The following DIP2C variants were observed in gnomAD, a reference collection of about 807,000 sequenced individuals.
The protein encoded by DIP2C is DIP2 acetate--CoA ligase C (putative).
In DIP2C, 33 loss-of-function variants were observed where a neutral mutation model predicts 192.4. That is an observed-to-expected ratio of 0.17 (90% CI 0.13 to 0.23). DIP2C has a LOEUF of 0.23. Ranked by LOEUF, DIP2C falls within the 10% of genes least tolerant of loss-of-function variation. The probability of loss-of-function intolerance (pLI) is 1.00; values close to 1 mark genes in which losing one functional copy is unlikely to be tolerated. For synonymous variants in DIP2C, 979 were observed against 864.1 expected (o/e 1.13, Z -2.33); for missense variants, 1,537 against 2,110.1 (o/e 0.73, Z 5.32).
chr10:339,916 A>T (rs1339560305), intron 29 of DIP2C, among the ~76,000 whole-genome samples: 4 of 152,220 alleles, frequency 2.6e-5, no homozygotes, highest in Admixed American at 2.0e-4. Context: ...AGGAGAAAAA[A>T]ATCTGACTGG....
intron 26 of DIP2C, among the ~76,000 whole-genome samples, chr10:346,346 C>T (rs547035042): frequency 1.7e-5 from 1 of 57,458 alleles, no homozygotes. Flanking sequence ...CTCCCGGAAA[C>T]CCCACACTCA....
At position 398,961 on chromosome 10, in the gene DIP2C, G is replaced by A. The variant is rs528270605; in HGVS notation, c.1260+148C>T. 61 of 648,264 alleles carry A rather than the reference G, an allele frequency of 9.4e-5. No homozygotes were observed. The African/African-American group carries it at 9.6e-4, about 10-fold the overall frequency. 40.2% of individuals were successfully genotyped at this position (648,264 alleles called of 1,614,324 possible). Reference sequence around the variant, plus strand: ...CAGGACGCCCATCCCAGGCTGCAGGGCCCACTAGCGACCGCATCCCTTATC... The same window carrying A: ...CAGGACGCCCATCCCAGGCTGCAGGACCCACTAGCGACCGCATCCCTTATC... On this transcript the variant is annotated intron_variant, in intron 10 of 36. Transcript: ENST00000280886.
rs113866371 is a variant in DIP2C at position 417,794 on chromosome 10, C to A, written c.739+1271G>T. ...TGCACCTGTCAGGGCTCGGATAGGC[C>A]TCCCTGTCCACCTGTTCCTGTCAGG... is the stretch of plus-strand genomic sequence containing the variant. On this transcript the variant is annotated intron_variant, in intron 6 of 36. Transcript: ENST00000280886. Among the ~76,000 whole-genome samples the A allele has an allele frequency of 8.0e-4, 87 of 108,814 alleles. 15 individuals are homozygous for A. The highest frequency in any genetic ancestry group is 3.8e-3 in the African/African-American group (86 of 22,404). The allele number at this position is 108,814 out of a possible 152,430, so 71.4% of individuals were successfully genotyped here.
At chr10:536,513 C>T (rs1462097250) in intron 1 of DIP2C, among the ~76,000 whole-genome samples, 3 of 152,048 alleles carry the variant, frequency 2.0e-5, no homozygotes, top group Admixed American at 1.3e-4. Flanking sequence ...GGGGGGCCAG[C>T]GTTGTATCTA....
At chr10:589,826 A>C (rs1851298218) in intron 1 of DIP2C, among the ~76,000 whole-genome samples, 1 of 152,322 alleles carries the variant, frequency 6.6e-6, no homozygotes, top group Admixed American at 6.5e-5. Context: ...TTAACACACA[A>C]GGGGGAAGGC....
In DIP2C at chr10:486,481, T is replaced by C; in HGVS notation, c.135A>G (p.Gly45=). 6.2e-7 allele frequency: 1 copy of C among 1,604,374 alleles called. No homozygotes were observed. The highest frequency in any genetic ancestry group is 8.5e-7 in the Non-Finnish European group (1 of 1,175,586). Residue 45 remains glycine (G), a synonymous_variant, in exon 2 of 37, where the codon GGA becomes GGG. Transcript: ENST00000280886. Reference sequence around the variant, plus strand: ...TACTCGGAGGCTGCGGAAGGTAGGCTCCAATTAACTTTGACCTCTTCTTTT... The same window carrying C: ...TACTCGGAGGCTGCGGAAGGTAGGCCCCAATTAACTTTGACCTCTTCTTTT... ...GYEKKRSKLI[G]AYLPQPPRVD...
chr10:514,958 C>T (rs1193745904), intron 1 of DIP2C, among the ~76,000 whole-genome samples: 2 of 152,178 alleles, frequency 1.3e-5, no homozygotes, highest in South Asian at 2.1e-4. Context: ...CTTTTTTTAA[C>T]TTCTTTTATA....
intron 1 of DIP2C, among the ~76,000 whole-genome samples, chr10:641,313 T>G (rs573008136): frequency 1.3e-5 from 2 of 152,242 alleles, no homozygotes; most frequent in South Asian, 4.1e-4. Context: ...AGGCAGGTCT[T>G]GTGACCTCGG....
rs985765274 is a variant in DIP2C at position 349,275 on chromosome 10, G to A, written c.3109+56C>T. ...ACCAGCGGGTGTAAGGGACCTCCTCGCACCGCGGCTGACCGGCTTGCCATC... is the reference window on the plus strand; with the variant it reads ...ACCAGCGGGTGTAAGGGACCTCCTCACACCGCGGCTGACCGGCTTGCCATC... On this transcript the variant is annotated intron_variant, in intron 25 of 36. Transcript: ENST00000280886. The A allele has an allele frequency of 4.2e-5, 66 of 1,574,454 alleles. No individual in the cohort carries two copies. The East Asian group carries it at 7.9e-4, about 19-fold the overall frequency.
At chr10:677,403 A>G (rs1274311266) in intron 1 of DIP2C, among the ~76,000 whole-genome samples, 1 of 152,210 alleles carries the variant, frequency 6.6e-6, no homozygotes, top group African/African-American at 2.4e-5. Context: ...TTGCTTAAAT[A>G]GCTCCTTAAG....
intron 31 of DIP2C, among the ~76,000 whole-genome samples, chr10:319,106 TCTTA>T (rs1956896883): frequency 6.6e-6 from 1 of 151,978 alleles, no homozygotes; most frequent in African/African-American, 2.4e-5. Flanking sequence ...ACAGACAGGG[TCTTA>T]CTATGTTGGG....
At chr10:661,507 C>T (rs530084873) in intron 1 of DIP2C, among the ~76,000 whole-genome samples, 7 of 152,358 alleles carry the variant, frequency 4.6e-5, no homozygotes, top group African/African-American at 1.4e-4. Flanking sequence ...CCAGGCTCCC[C>T]TCGCTGCCTC....
chr10:411,622 A>AT (rs1965192935), intron 8 of DIP2C, among the ~76,000 whole-genome samples: 1 of 152,108 alleles, frequency 6.6e-6, no homozygotes, highest in Non-Finnish European at 1.5e-5. Context: ...TCGATACCAA[A>AT]TTACTCAGTA....
Position 297,220 on chromosome 10 carries a change from AC to A in DIP2C, c.3987-8800del, listed in dbSNP as rs1230852484. On this transcript the variant is annotated intron_variant, in intron 32 of 36. Transcript: ENST00000280886. Reference sequence around the variant, plus strand: ...AACAAAACAAAACAAAACAAAACCAACCCCCCCCCACCCCACCACATACACA... The same window carrying A: ...AACAAAACAAAACAAAACAAAACCAACCCCCCCCACCCCACCACATACACA... Among the ~76,000 whole-genome samples, 396 of 96,008 alleles carry A rather than the reference AC, an allele frequency of 4.1e-3. 3 individuals carry two copies. Among genetic ancestry groups the A allele is most frequent in the African/African-American group, 0.014 (337 of 23,766 alleles). 63.0% of individuals were successfully genotyped at this position (96,008 alleles called of 152,430 possible). A position where few individuals can be genotyped will look rare whatever the true frequency, so the allele number is the denominator to read the frequency against.
At chr10:296,016 A>G (rs972151293) in intron 32 of DIP2C, among the ~76,000 whole-genome samples, 4 of 152,206 alleles carry the variant, frequency 2.6e-5, no homozygotes, top group Non-Finnish European at 5.9e-5. Context: ...GATTCTGGAT[A>G]TTAGCCCTTT....
At position 424,994 on chromosome 10, in the gene DIP2C, T is replaced by C. The variant is rs550553540; in HGVS notation, c.395-1961A>G. ...GCAGTGACTAATACGACACGGATGA[T>C]ACAGCATGACCAGCGGTGACTAATA... On this transcript the variant is annotated intron_variant, in intron 4 of 36. Transcript: ENST00000280886. 2.3e-3 allele frequency among the ~76,000 whole-genome samples: 328 copies of C among 142,102 alleles called. 2 individuals are homozygous for C. The highest frequency in any genetic ancestry group is 8.2e-3 in the African/African-American group (310 of 37,956). The allele number at this position is 142,102 out of a possible 152,430, so 93.2% of individuals were successfully genotyped here.
chr10:521,820 G>T (rs1846723817), intron 1 of DIP2C, among the ~76,000 whole-genome samples: 1 of 152,076 alleles, frequency 6.6e-6, no homozygotes, highest in East Asian at 1.9e-4. Flanking sequence ...AAATCGGGAG[G>T]AAAGCACAGA....
At chr10:543,248 T>C (rs1351282394) in intron 1 of DIP2C, among the ~76,000 whole-genome samples, 2 of 152,244 alleles carry the variant, frequency 1.3e-5, no homozygotes, top group African/African-American at 4.8e-5. Flanking sequence ...TCGCCTGTCC[T>C]CTGCCTTCAC....
At chr10:323,952 G>A (rs1957145726) in intron 31 of DIP2C, among the ~76,000 whole-genome samples, 1 of 152,028 alleles carries the variant, frequency 6.6e-6, no homozygotes. Context: ...TAATTTTGCA[G>A]ATTCTAGAAA....
Sources: allele counts gnomAD v4.1 joint callset (sites outside exome capture counted in the v4.1 genomes callset), GRCh38; gene constraint gnomAD v4.1.1; transcripts MANE v1.5; gene names NCBI Gene and HGNC (gene_info 2026-07-23, HGNC 2026-07-21).